The following LEPROTL1 variants were observed in gnomAD, a reference collection of about 807,000 sequenced individuals.
LEPROTL1 encodes the protein leptin receptor overlapping transcript-like 1.
LEPROTL1 carries 6 observed loss-of-function variants against 15.4 expected under a neutral mutation model. The observed-to-expected ratio is 0.39, with a 90% CI of 0.21 to 0.77. LEPROTL1 has a LOEUF of 0.77. LEPROTL1 is among the 30% of genes least tolerant of loss of function. LEPROTL1 has a pLI of 0.41. For synonymous variants in LEPROTL1, 56 were observed against 52.6 expected, an observed-to-expected ratio of 1.06 and a Z score of -0.28; for missense variants, 128 against 158.1, an observed-to-expected ratio of 0.81 and a Z score of 1.02.
At chr8:30,096,714 CG>C (rs1802373224) in intron 1 of LEPROTL1, among the ~76,000 whole-genome samples, 1 of 152,094 alleles carries the variant, frequency 6.6e-6, no homozygotes, top group Non-Finnish European at 1.5e-5. Flanking sequence ...GTCAATAATG[CG>C]GGGGTCTCTT....
At chr8:30,100,750 T>G (rs984092413) in intron 1 of LEPROTL1, among the ~76,000 whole-genome samples, 3 of 152,180 alleles carry the variant, frequency 2.0e-5, no homozygotes, top group African/African-American at 7.2e-5. Context: ...CACTCGGCTA[T>G]CATTTATTTC....
chr8:30,110,548 A>G (rs935076156), downstream of LEPROTL1, among the ~76,000 whole-genome samples: 2 of 152,112 alleles, frequency 1.3e-5, no homozygotes, highest in Admixed American at 6.5e-5. Context: ...ATCCTGGCCA[A>G]CATAGTGAAA....
intron 3 of LEPROTL1, among the ~76,000 whole-genome samples, chr8:30,114,729 C>A (rs1284720262): frequency 1.3e-5 from 2 of 152,200 alleles, no homozygotes; most frequent in Non-Finnish European, 2.9e-5. Context: ...TCAGGGCTAA[C>A]AACAAAGGTT....
intron 3 of LEPROTL1, chr8:30,117,360 G>T: frequency 3.8e-6 from 4 of 1,041,374 alleles, no homozygotes; most frequent in Non-Finnish European, 2.9e-6. Context: ...CATTTTGTTT[G>T]TAAATATATG....
At chr8:30,137,853 G>A (rs914535604), downstream of LEPROTL1, 3 of 268,716 alleles carry the variant, frequency 1.1e-5, no homozygotes, top group South Asian at 8.5e-5. Context: ...TAGGAGTCAT[G>A]CAGCTGGAGA....
At chr8:30,114,611 C>T (rs1802707805) in intron 3 of LEPROTL1, among the ~76,000 whole-genome samples, 1 of 152,122 alleles carries the variant, frequency 6.6e-6, no homozygotes, top group South Asian at 2.1e-4. Flanking sequence ...TTTGGTTACC[C>T]ACCTAGAACC....
intron 3 of LEPROTL1, chr8:30,132,273 C>A (rs149019082): frequency 1.3e-6 from 2 of 1,551,662 alleles, no homozygotes; most frequent in Non-Finnish European, 1.7e-6. Flanking sequence ...TCTGCAACAA[C>A]GGCCAAGCCC....
downstream of LEPROTL1, among the ~76,000 whole-genome samples, chr8:30,110,443 A>T (rs1802637336): frequency 6.6e-6 from 1 of 152,008 alleles, no homozygotes; most frequent in Admixed American, 6.6e-5. Flanking sequence ...AAGCCAGTAG[A>T]GGCTGGGCAT....
At chr8:30,116,198 C>G (rs997808203) in intron 3 of LEPROTL1, among the ~76,000 whole-genome samples, 2 of 152,074 alleles carry the variant, frequency 1.3e-5, no homozygotes, top group Admixed American at 6.5e-5. Flanking sequence ...TGTGATCATG[C>G]CACTGTGTTC....
intron 3 of LEPROTL1, chr8:30,132,348 C>T: frequency 1.3e-6 from 2 of 1,551,786 alleles, no homozygotes; most frequent in Non-Finnish European, 8.7e-7. Context: ...TTCTTGAGAA[C>T]ACAGATATCC....
Position 30,107,785 on chromosome 8 carries a change from TC to T in LEPROTL1, c.*1926del. 1.0e-6 allele frequency: 1 copy of T among 985,430 alleles called. No individual in the cohort carries two copies. The allele number at this position is 985,430 out of a possible 1,614,324, so 61.0% of individuals were successfully genotyped here. A position where few individuals can be genotyped will look rare whatever the true frequency, so the allele number is the denominator to read the frequency against. On this transcript the variant is annotated 3_prime_UTR_variant, in exon 4 of 4. Transcript: ENST00000321250. ...TGCAGGAAGTGCATTCTCTGGTCCT[TC>T]CCTATTTTCTGTTCTGGATGTCAGT...
intron 2 of LEPROTL1, among the ~76,000 whole-genome samples, chr8:30,103,186 A>C (rs1802501396): frequency 6.6e-6 from 1 of 152,206 alleles, no homozygotes; most frequent in Non-Finnish European, 1.5e-5. Flanking sequence ...TTTTAATGGA[A>C]ATACTAGGCA....
intron 3 of LEPROTL1, among the ~76,000 whole-genome samples, chr8:30,125,857 C>T (rs932787728): frequency 5.3e-5 from 8 of 152,106 alleles, no homozygotes; most frequent in East Asian, 1.9e-4. Flanking sequence ...AAAGTAGTCA[C>T]GGCCATTTTA....
At chr8:30,100,382 A>G (rs953936228) in intron 1 of LEPROTL1, among the ~76,000 whole-genome samples, 4 of 152,210 alleles carry the variant, frequency 2.6e-5, no homozygotes, top group Non-Finnish European at 5.9e-5. Context: ...AAAACTAGTT[A>G]TTTTCTTAGC....
intron 3 of LEPROTL1, chr8:30,132,030 C>T (rs1803025944): frequency 6.4e-7 from 1 of 1,551,772 alleles, no homozygotes; most frequent in African/African-American, 1.4e-5. Flanking sequence ...AATTACAGAG[C>T]AACCAGAGAG....
intron 3 of LEPROTL1, among the ~76,000 whole-genome samples, chr8:30,129,250 G>A (rs1802954959): frequency 6.6e-6 from 1 of 152,272 alleles, no homozygotes; most frequent in Middle Eastern, 3.4e-3. Context: ...CCCTCACTGT[G>A]TTATGTTCTG....
intron 1 of LEPROTL1, among the ~76,000 whole-genome samples, chr8:30,098,884 C>G (rs1383430237): frequency 1.3e-5 from 2 of 152,162 alleles, no homozygotes; most frequent in African/African-American, 4.8e-5. Flanking sequence ...TAGGAAATCG[C>G]AGCTGATAAT....
chr8:30,136,269 A>G (rs1241158152), intron 4 of LEPROTL1, among the ~76,000 whole-genome samples: 1 of 152,202 alleles, frequency 6.6e-6, no homozygotes, highest in Non-Finnish European at 1.5e-5. Context: ...TCCAATATGC[A>G]CAGAGTCCTT....
exon 5 of LEPROTL1, chr8:30,137,505 A>G: frequency 1.3e-6 from 2 of 1,546,612 alleles, no homozygotes; most frequent in Non-Finnish European, 1.8e-6. Flanking sequence ...CACAATGACA[A>G]CTACTGCTCA....
Sources: allele counts gnomAD v4.1 joint callset (sites outside exome capture counted in the v4.1 genomes callset), GRCh38; gene constraint gnomAD v4.1.1; transcripts MANE v1.5; gene names NCBI Gene and HGNC (gene_info 2026-07-23, HGNC 2026-07-21).